PCDHB5: variants seen among roughly 807,000 people sequenced by gnomAD.
The protein encoded by PCDHB5 is protocadherin beta 5, also known as protocadherin beta-5.
For synonymous variants in PCDHB5, 569 were observed against 462.2 expected (o/e 1.23, Z -2.96); for missense variants, 1,125 against 1,029.4 (o/e 1.09, Z -1.27).
chr5:141,135,585 G>T lies in PCDHB5; in HGVS notation c.151G>T (p.Asp51Tyr). The change falls in exon 1 of 1, where the codon GAC (aspartate) becomes TAC (tyrosine). Residue 51 changes from aspartate to tyrosine, a missense_variant. Transcript: ENST00000231134. ...SGYSVANLAK[D>Y]LGLGVGELAT... ...CTATTCTGTGGCCAACCTGGCAAAAGACCTGGGTCTTGGGGTGGGGGAACT... is the reference window on the plus strand; with the variant it reads ...CTATTCTGTGGCCAACCTGGCAAAATACCTGGGTCTTGGGGTGGGGGAACT... 1 of 1,614,174 alleles carries T rather than the reference G, an allele frequency of 6.2e-7. No homozygotes were observed. Among genetic ancestry groups the T allele is most frequent in the South Asian group, 1.1e-5 (1 of 91,078 alleles).
At position 141,136,662 on chromosome 5, in the gene PCDHB5, A is replaced by G. The variant is rs1554275955; in HGVS notation, c.1228A>G (p.Arg410Gly). 27 of 1,614,180 alleles carry G rather than the reference A, an allele frequency of 1.7e-5. No individual in the cohort carries two copies. Among genetic ancestry groups the G allele is most frequent in the Non-Finnish European group, 2.3e-5 (27 of 1,180,042 alleles). Residue 410 changes from arginine to glycine, a missense_variant, in exon 1 of 1, where the codon AGA becomes GGA. Transcript: ENST00000231134. ...CCTAGTGACACAGAGAACACTGGACAGAGAGAGCCAAGCCGAGTACAACAT... is the reference window on the plus strand; with the variant it reads ...CCTAGTGACACAGAGAACACTGGACGGAGAGAGCCAAGCCGAGTACAACAT... ...YTLVTQRTLD[R>G]ESQAEYNITI...
rs782761230 is a variant in PCDHB5 at position 141,137,168 on chromosome 5, G to T, written c.1734G>T (p.Ala578=). 9.9e-6 allele frequency: 16 copies of T among 1,610,592 alleles called. No individual in the cohort carries two copies. The highest frequency in any genetic ancestry group is 4.4e-4 in the Middle Eastern group (2 of 4,558). Reference sequence around the variant, plus strand: ...CTTGCACCGAGCTGGTGCCCCGGGCGGCCGAGCCGGGCTACCTGGTGACCA... The same window carrying T: ...CTTGCACCGAGCTGGTGCCCCGGGCTGCCGAGCCGGGCTACCTGGTGACCA... ...SAPCTELVPR[A]AEPGYLVTKV... The change falls in exon 1 of 1, where the codon GCG becomes GCT. Residue 578 remains alanine (A), a synonymous_variant. Coordinates refer to ENST00000231134, the MANE Select transcript of PCDHB5 (RefSeq NM_015669.5).
Position 141,135,473 on chromosome 5 carries a change from A to C in PCDHB5, c.39A>C (p.Gln13His). ...TALAKTPQKR[Q>H]VMFLAILLLL... ...TAGCAAAAACGCCACAGAAAAGGCA[A>C]GTTATGTTTCTTGCTATATTGTTGC... Residue 13 changes from glutamine to histidine, a missense_variant, in exon 1 of 1, where the codon CAA becomes CAC. Transcript: ENST00000231134. 1 of 1,613,056 alleles carries C rather than the reference A, an allele frequency of 6.2e-7. No individual in the cohort carries two copies. Among genetic ancestry groups the C allele is most frequent in the East Asian group, 2.2e-5 (1 of 44,888 alleles).
In PCDHB5 at chr5:141,135,579, G is replaced by A; in HGVS notation, c.145G>A (p.Ala49Thr). The A allele has an allele frequency of 6.2e-7, 1 of 1,614,150 alleles. No homozygotes were observed. The highest frequency in any genetic ancestry group is 1.3e-5 in the African/African-American group (1 of 75,040). Residue 49 changes from alanine (A) to threonine (T), a missense_variant, in exon 1 of 1, where the codon GCA becomes ACA. Transcript: ENST00000231134. ...TESGYSVANL[A>T]KDLGLGVGEL... ...AAGTGGCTATTCTGTGGCCAACCTGGCAAAAGACCTGGGTCTTGGGGTGGG... is the reference window on the plus strand; with the variant it reads ...AAGTGGCTATTCTGTGGCCAACCTGACAAAAGACCTGGGTCTTGGGGTGGG...
chr5:141,137,969 T>A lies in PCDHB5; in HGVS notation c.*147T>A. The A allele has an allele frequency of 1.3e-6, 1 of 750,178 alleles. No homozygotes were observed. Among genetic ancestry groups the A allele is most frequent in the Non-Finnish European group, 2.1e-6 (1 of 467,210 alleles). 46.5% of individuals were successfully genotyped at this position (750,178 alleles called of 1,614,324 possible). On this transcript the variant is annotated 3_prime_UTR_variant, in exon 1 of 1. Transcript: ENST00000231134. ...GATTTGTCTGTTGAACTTCATGCTG[T>A]CCAAGTGTTGAAAAGTCAATTTTAT...
rs782704177 is a variant in PCDHB5 at position 141,136,267 on chromosome 5, C to T, written c.833C>T (p.Ala278Val). 1.2e-6 allele frequency: 2 copies of T among 1,614,000 alleles called. No homozygotes were observed. Among genetic ancestry groups the T allele is most frequent in the Non-Finnish European group, 8.5e-7 (1 of 1,179,992 alleles). The change falls in exon 1 of 1, where the codon GCC becomes GTC. Residue 278 changes from alanine (A) to valine (V), a missense_variant. Physicochemically the swap from Ala to Val is moderately conservative, Grantham distance 64 (BLOSUM62 0). Transcript: ENST00000231134. ...GATGCAGGAGCATATGGGAGTGTAG[C>T]CTATGCTCTATTCCAAGGCGATGAA... ...DLDAGAYGSVAYALFQGDEVT... is the reference protein window; with the variant it reads ...DLDAGAYGSVVYALFQGDEVT...
rs782249188 is a variant in PCDHB5 at position 141,136,277 on chromosome 5, A to G, written c.843A>G (p.Leu281=). Residue 281 remains leucine, a synonymous_variant, in exon 1 of 1, where the codon CTA becomes CTG. Coordinates refer to ENST00000231134, the MANE Select transcript of PCDHB5 (RefSeq NM_015669.5). ...AGAYGSVAYA[L]FQGDEVTQPF... is the part of the protein sequence containing the mutation. ...CATATGGGAGTGTAGCCTATGCTCT[A>G]TTCCAAGGCGATGAAGTTACTCAAC... 2.5e-6 allele frequency: 4 copies of G among 1,614,064 alleles called. No individual in the cohort carries two copies. The highest frequency in any genetic ancestry group is 2.2e-5 in the East Asian group (1 of 44,894).
chr5:141,136,244 T>A lies in PCDHB5; in HGVS notation c.810T>A (p.Asp270Glu), dbSNP rs1554275850. Residue 270 changes from aspartate (D) to glutamate (E), a missense_variant, in exon 1 of 1, where the codon GAT becomes GAA. Asp to Glu is a conservative substitution (Grantham distance 45). Transcript: ENST00000231134. ...TCGTTGTCTCCGCTCGAGATTTAGATGCAGGAGCATATGGGAGTGTAGCCT... is the reference window on the plus strand; with the variant it reads ...TCGTTGTCTCCGCTCGAGATTTAGAAGCAGGAGCATATGGGAGTGTAGCCT... ...LVVVVSARDL[D>E]AGAYGSVAYA... 1 of 1,614,182 alleles carries A rather than the reference T, an allele frequency of 6.2e-7. No homozygotes were observed. Among genetic ancestry groups the A allele is most frequent in the Admixed American group, 1.7e-5 (1 of 60,028 alleles).
chr5:141,136,459 A>T lies in PCDHB5; in HGVS notation c.1025A>T (p.Asn342Ile). ...ATAGAAGTGGTGGATGTGAATGACA[A>T]CGCCCCTGAACTCACCATGTCTACG... is the stretch of plus-strand genomic sequence containing the variant. Reference protein sequence around the residue: ...VAIEVVDVNDNAPELTMSTLS... With the variant: ...VAIEVVDVNDIAPELTMSTLS... Residue 342 changes from asparagine (N) to isoleucine (I), a missense_variant, in exon 1 of 1, where the codon AAC (asparagine) becomes ATC (isoleucine). Asn to Ile is a moderately radical substitution (Grantham distance 149, BLOSUM62 -3). Transcript: ENST00000231134. 1 of 1,614,098 alleles carries T rather than the reference A, an allele frequency of 6.2e-7. No homozygotes were observed. Among genetic ancestry groups the T allele is most frequent in the Non-Finnish European group, 8.5e-7 (1 of 1,180,036 alleles).
rs781958932 is a variant in PCDHB5, at chr5:141,136,149, G to A, written c.715G>A (p.Ala239Thr). 1.3e-5 allele frequency: 21 copies of A among 1,614,086 alleles called. No individual in the cohort carries two copies. Among genetic ancestry groups the A allele is most frequent in the Non-Finnish European group, 1.7e-5 (20 of 1,179,962 alleles). The change falls in exon 1 of 1, where the codon GCC (alanine) becomes ACC (threonine). Residue 239 changes from alanine to threonine, a missense_variant. Coordinates refer to ENST00000231134, the MANE Select transcript of PCDHB5 (RefSeq NM_015669.5). ...RIVVLDNNDNAPEFLQSFYEV... is the reference protein window; with the variant it reads ...RIVVLDNNDNTPEFLQSFYEV... ...TGTCGTCTTGGATAATAATGACAAC[G>A]CCCCCGAATTTTTACAATCATTCTA...
At position 141,135,527 on chromosome 5, in the gene PCDHB5, TA is replaced by T. The variant is rs1563870105; in HGVS notation, c.94del (p.Arg32GlyfsTer48). ...TGTGGGAGGCTGGCTCTGAGGCAGT[TA>T]GGTATTCCATACCAGAAGAAACAGA... ...LLWEAGSEAVRYSIPEETESG... is the reference protein window; with the variant it reads ...LLWEAGSEAVXYSIPEETESG... On this transcript the variant is annotated frameshift_variant, in exon 1 of 1. Coordinates refer to ENST00000231134, the MANE Select transcript of PCDHB5 (RefSeq NM_015669.5). LOFTEE classifies it low-confidence loss of function (END_TRUNC). 6.2e-7 allele frequency: 1 copy of T among 1,614,022 alleles called. No homozygotes were observed. Among genetic ancestry groups the T allele is most frequent in the South Asian group, 1.1e-5 (1 of 91,048 alleles).
At position 141,136,339 on chromosome 5, in the gene PCDHB5, T is replaced by G; in HGVS notation, c.905T>G (p.Leu302Arg). ...GACGAGAAAACAGCAGAAATTCGCC[T>G]GAAAAGGGCATTGGATTTCGAGGCA... Reference protein sequence around the residue: ...VIDEKTAEIRLKRALDFEATP... With the variant: ...VIDEKTAEIRRKRALDFEATP... Residue 302 changes from leucine (L) to arginine (R), a missense_variant, in exon 1 of 1, where the codon CTG becomes CGG. Leu to Arg is a moderately radical substitution (Grantham distance 102). Coordinates refer to ENST00000231134, the MANE Select transcript of PCDHB5 (RefSeq NM_015669.5). 1 of 1,614,162 alleles carries G rather than the reference T, an allele frequency of 6.2e-7. No homozygotes were observed. The highest frequency in any genetic ancestry group is 1.1e-5 in the South Asian group (1 of 91,060).
chr5:141,135,923 T>C lies in PCDHB5; in HGVS notation c.489T>C (p.Gly163=). ...PLKIAQDFDI[G]SNTVQNYTIS... ...AAATAGCCCAGGACTTTGACATAGG[T>C]AGCAACACTGTTCAGAACTACACAA... Residue 163 remains glycine (G), a synonymous_variant, in exon 1 of 1, where the codon GGT becomes GGC. Coordinates refer to ENST00000231134, the MANE Select transcript of PCDHB5 (RefSeq NM_015669.5). 1 of 1,614,132 alleles carries C rather than the reference T, an allele frequency of 6.2e-7. No individual in the cohort carries two copies.
At position 141,136,142 on chromosome 5, in the gene PCDHB5, T is replaced by C. The variant is rs1221568914; in HGVS notation, c.708T>C (p.Asn236=). 3 of 1,614,018 alleles carry C rather than the reference T, an allele frequency of 1.9e-6. No homozygotes were observed. The highest frequency in any genetic ancestry group is 2.5e-6 in the Non-Finnish European group (3 of 1,179,992). ...TTCGCATTGTCGTCTTGGATAATAA[T>C]GACAACGCCCCCGAATTTTTACAAT... ...TTIRIVVLDN[N]DNAPEFLQSF... Residue 236 remains asparagine (N), a synonymous_variant, in exon 1 of 1, where the codon AAT becomes AAC. Coordinates refer to ENST00000231134, the MANE Select transcript of PCDHB5 (RefSeq NM_015669.5).
At position 141,137,812 on chromosome 5, in the gene PCDHB5, GATTAA is replaced by G; in HGVS notation, c.2383_2387del (p.Asn795GlufsTer4). 3 of 1,597,396 alleles carry G rather than the reference GATTAA, an allele frequency of 1.9e-6. No individual in the cohort carries two copies. Among genetic ancestry groups the G allele is most frequent in the South Asian group, 2.2e-5 (2 of 89,018 alleles). On this transcript the variant is annotated frameshift_variant, in exon 1 of 1. Transcript: ENST00000231134. LOFTEE classifies it high-confidence loss of function. Reference sequence around the variant, plus strand: ...ACTGCTGCCTTCCGGAATAGCTTTGGATTAAATTAGAGATCTCGTGATGACGCGTT... The same window carrying G: ...ACTGCTGCCTTCCGGAATAGCTTTGGATTAGAGATCTCGTGATGACGCGTT...
rs1554275873 is a variant in PCDHB5 at position 141,136,314 on chromosome 5, G to A, written c.880G>A (p.Asp294Asn). Residue 294 changes from aspartate (D) to asparagine (N), a missense_variant, in exon 1 of 1, where the codon GAC (aspartate) becomes AAC (asparagine). Asp to Asn is a conservative substitution (Grantham distance 23). Coordinates refer to ENST00000231134, the MANE Select transcript of PCDHB5 (RefSeq NM_015669.5). ...TGAAGTTACTCAACCATTTGTAATA[G>A]ACGAGAAAACAGCAGAAATTCGCCT... is the stretch of plus-strand genomic sequence containing the variant. ...GDEVTQPFVI[D>N]EKTAEIRLKR... 1.2e-5 allele frequency: 20 copies of A among 1,614,110 alleles called. No homozygotes were observed. The highest frequency in any genetic ancestry group is 1.4e-5 in the Non-Finnish European group (17 of 1,180,044).
At position 141,135,727 on chromosome 5, in the gene PCDHB5, C is replaced by T. The variant is rs181055108; in HGVS notation, c.293C>T (p.Ala98Val). The T allele has an allele frequency of 1.2e-6, 2 of 1,613,988 alleles. No individual in the cohort carries two copies. The highest frequency in any genetic ancestry group is 4.5e-5 in the East Asian group (2 of 44,864). The change falls in exon 1 of 1, where the codon GCG becomes GTG. Residue 98 changes from alanine to valine, a missense_variant. Transcript: ENST00000231134. ...EKLDREVMCG[A>V]TEPCILHFQL... is the part of the protein sequence containing the mutation. ...CTAGACCGGGAGGTGATGTGCGGGG[C>T]GACAGAACCCTGTATATTGCATTTC...
chr5:141,137,451 C>T lies in PCDHB5; in HGVS notation c.2017C>T (p.Pro673Ser), dbSNP rs1554276218. ...CTTCTCCCAGCCCTACCTGCCGCTGCCGGAGGCGGCCCCGGCCCAGGCCCA... is the reference window on the plus strand; with the variant it reads ...CTTCTCCCAGCCCTACCTGCCGCTGTCGGAGGCGGCCCCGGCCCAGGCCCA... ...DGFSQPYLPLPEAAPAQAQAD... is the reference protein window; with the variant it reads ...DGFSQPYLPLSEAAPAQAQAD... The change falls in exon 1 of 1, where the codon CCG becomes TCG. Residue 673 changes from proline to serine, a missense_variant. Pro to Ser is a moderately conservative substitution (Grantham distance 74). Coordinates refer to ENST00000231134, the MANE Select transcript of PCDHB5 (RefSeq NM_015669.5). 1 of 1,612,270 alleles carries T rather than the reference C, an allele frequency of 6.2e-7. No homozygotes were observed. The highest frequency in any genetic ancestry group is 2.2e-5 in the East Asian group (1 of 44,862).
Position 141,136,477 on chromosome 5 carries a change from T to C in PCDHB5, c.1043T>C (p.Met348Thr), listed in dbSNP as rs1554275913. Residue 348 changes from methionine to threonine, a missense_variant, in exon 1 of 1, where the codon ATG (methionine) becomes ACG (threonine). Met to Thr is a moderately conservative substitution (Grantham distance 81). Transcript: ENST00000231134. ...DVNDNAPELT[M>T]STLSSPTPEN... ...AATGACAACGCCCCTGAACTCACCA[T>C]GTCTACGCTCTCCAGCCCTACCCCA... 4.3e-6 allele frequency: 7 copies of C among 1,613,992 alleles called. No individual in the cohort carries two copies. Among genetic ancestry groups the C allele is most frequent in the Middle Eastern group, 1.6e-4 (1 of 6,062 alleles).
Sources: allele counts gnomAD v4.1 joint callset, GRCh38; gene constraint gnomAD v4.1.1; transcripts MANE v1.5; gene names NCBI Gene and HGNC (gene_info 2026-07-23, HGNC 2026-07-21).